Variants in USP24 observed in about 807,000 individuals in gnomAD.
The protein encoded by USP24 is ubiquitin specific peptidase 24.
A neutral mutation model predicts 361.6 loss-of-function variants in USP24; 97 were observed. The ratio of observed to expected loss-of-function variants is 0.27; its 90% confidence interval spans 0.23 to 0.32. The LOEUF is 0.32. Among genes scored for constraint, USP24 ranks in the 10% least tolerant of loss-of-function variants. The pLI is 1.00. For synonymous variants in USP24, 1,098 were observed against 1,124.6 expected (o/e 0.98, Z 0.47); for missense variants, 2,353 against 3,165.6 (o/e 0.74, Z 6.16).
intron 61 of USP24, among the ~76,000 whole-genome samples, chr1:55,077,763 C>T (rs1256086962): frequency 6.6e-6 from 1 of 152,176 alleles, no homozygotes; most frequent in African/African-American, 2.4e-5. Context: ...AGAACACACT[C>T]CTTCAGCCAT....
chr1:55,209,755 T>G (rs765860883), intron 1 of USP24, among the ~76,000 whole-genome samples: 11 of 152,172 alleles, frequency 7.2e-5, no homozygotes, highest in Non-Finnish European at 1.2e-4. Flanking sequence ...CCATCTTATG[T>G]GTTTACTTCT....
Position 55,137,839 on chromosome 1 carries a change from C to T in USP24, c.2994G>A (p.Val998=). Residue 998 remains valine (V), a synonymous_variant, in exon 27 of 68, where the codon GTG becomes GTA. Coordinates refer to ENST00000294383, the MANE Select transcript of USP24 (RefSeq NM_015306.3). ...CATTTGTAAATATCTGTATATTATC[C>T]ACAGGAGAGCACAACTGCTTGGCTA... The part of the protein sequence containing the change: ...WKIAKQLCSP[V]DNIQIFTNDS... 1 of 1,596,102 alleles carries T rather than the reference C, an allele frequency of 6.3e-7. No individual in the cohort carries two copies. Among genetic ancestry groups the T allele is most frequent in the Non-Finnish European group, 8.5e-7 (1 of 1,170,212 alleles).
intron 1 of USP24, among the ~76,000 whole-genome samples, chr1:55,210,290 T>G (rs1037368547): frequency 2.0e-5 from 3 of 152,348 alleles, no homozygotes; most frequent in Admixed American, 2.0e-4. Context: ...TAGGCCATGC[T>G]GATTCATCTT....
At chr1:55,116,681 CAA>C (rs528611494) in intron 38 of USP24, among the ~76,000 whole-genome samples, 19 of 128,878 alleles carry the variant, frequency 1.5e-4, no homozygotes, top group Non-Finnish European at 1.2e-4. Flanking sequence ...ATTGGTAATC[CAA>C]AAAAAAAAAA....
At chr1:55,099,335 T>C (rs1421241812) in intron 45 of USP24, among the ~76,000 whole-genome samples, 2 of 152,100 alleles carry the variant, frequency 1.3e-5, no homozygotes, top group South Asian at 2.1e-4. Context: ...GGTGGGTGAA[T>C]CTCTGGAGGC....
At chr1:55,172,809 T>C (rs1053293308) in intron 3 of USP24, among the ~76,000 whole-genome samples, 5 of 152,212 alleles carry the variant, frequency 3.3e-5, no homozygotes, top group South Asian at 2.1e-4. Context: ...GTAGGTCAAA[T>C]GGTGCCGAGC....
At chr1:55,178,723 AT>A (rs1408818155) in intron 1 of USP24, among the ~76,000 whole-genome samples, 2,190 of 106,228 alleles carry the variant, frequency 0.021, 40 homozygotes, top group Middle Eastern at 0.087. Flanking sequence ...AAATAAATAA[AT>A]AAATAAAAAG....
At chr1:55,205,285 AT>A (rs1408964815) in intron 1 of USP24, among the ~76,000 whole-genome samples, 2 of 152,226 alleles carry the variant, frequency 1.3e-5, no homozygotes, top group African/African-American at 4.8e-5. Context: ...GGAGTCATAT[AT>A]AACAATGTCA....
chr1:55,115,582 A>C (rs1434822388), intron 38 of USP24, among the ~76,000 whole-genome samples: 1 of 150,876 alleles, frequency 6.6e-6, no homozygotes, highest in Admixed American at 6.6e-5. Flanking sequence ...AGTGTAAATT[A>C]GTTCAATCAT....
chr1:55,162,043 TTTA>T (rs1420493974), intron 8 of USP24, among the ~76,000 whole-genome samples, 153 bp downstream of exon 8: 4 of 152,210 alleles, frequency 2.6e-5, no homozygotes, highest in Admixed American at 2.6e-4. Context: ...TTCAACAATT[TTTA>T]TTATCTGATG....
intron 5 of USP24, among the ~76,000 whole-genome samples, chr1:55,170,094 A>G (rs1649297501): frequency 6.6e-6 from 1 of 152,182 alleles, no homozygotes; most frequent in Admixed American, 6.6e-5. Context: ...AGAGGACCAT[A>G]CAGAGGGATA....
intron 5 of USP24, among the ~76,000 whole-genome samples, chr1:55,167,368 T>C (rs1170542287): frequency 1.3e-5 from 2 of 152,094 alleles, no homozygotes; most frequent in African/African-American, 2.4e-5. Context: ...TGATGGGGGA[T>C]GGCAGAAAAG....
chr1:55,159,048 T>TA lies in USP24; in HGVS notation c.1069-13dup. ...ATGCTAACCAATCTCTTTTATTGAA[T>TA]AAAAACAAAAAAACAAAAAAGGAAC... On this transcript the variant is annotated splice_polypyrimidine_tract_variant and intron_variant, in intron 9 of 67. Coordinates refer to ENST00000294383, the MANE Select transcript of USP24 (RefSeq NM_015306.3). 1 of 1,454,696 alleles carries TA rather than the reference T, an allele frequency of 6.9e-7. No homozygotes were observed. Among genetic ancestry groups the TA allele is most frequent in the Admixed American group, 2.7e-5 (1 of 36,862 alleles). The allele number at this position is 1,454,696 out of a possible 1,614,324, so 90.1% of individuals were successfully genotyped here. A position where few individuals can be genotyped will look rare whatever the true frequency, so the allele number is the denominator to read the frequency against.
At chr1:55,074,107 TAA>T (rs34911935) in intron 63 of USP24, among the ~76,000 whole-genome samples, 6,204 of 123,494 alleles carry the variant, frequency 0.05, 323 homozygotes, top group African/African-American at 0.14. Flanking sequence ...TAAGTATGTT[TAA>T]AAAAAAAAAA....
intron 1 of USP24, among the ~76,000 whole-genome samples, chr1:55,201,600 C>CAAAAAAAAA (rs56659823): frequency 1.1e-4 from 4 of 35,460 alleles, no homozygotes; most frequent in Admixed American, 4.7e-4. Context: ...GACTCCATCT[C>CAAAAAAAAA]AAAAAAAAAA....
At chr1:55,105,701 TTAC>T (rs779375160) in intron 41 of USP24, among the ~76,000 whole-genome samples, 2 of 152,178 alleles carry the variant, frequency 1.3e-5, no homozygotes, top group Non-Finnish European at 2.9e-5. Flanking sequence ...GATTCCAAAA[TTAC>T]TACTGTAATA....
intron 16 of USP24, chr1:55,151,918 C>T: frequency 2.0e-6 from 2 of 985,738 alleles, no homozygotes; most frequent in Non-Finnish European, 2.4e-6. Context: ...TTACCCTTTG[C>T]TTAGTTTCTG....
rs1244540821 is a variant in USP24, at chr1:55,177,975, G to T, written c.482C>A (p.Ala161Glu). The change falls in exon 2 of 68, where the codon GCA becomes GAA. Residue 161 changes from alanine to glutamate, a missense_variant. Around this residue, in one of 8 missense-constraint regions of USP24, gnomAD observed 253 missense variants for 255.3 expected, o/e 0.99. Transcript: ENST00000294383. ...AAGGTCTGAAAACTTACCAAGTCTT[G>T]CTAGGTAGGTAGATGCCAACAGGCA... Reference protein sequence around the residue: ...GKCLLASTYLARLGLSESDEN... With the variant: ...GKCLLASTYLERLGLSESDEN... 1 of 1,551,262 alleles carries T rather than the reference G, an allele frequency of 6.4e-7. No individual in the cohort carries two copies. The highest frequency in any genetic ancestry group is 8.7e-7 in the Non-Finnish European group (1 of 1,146,850).
At chr1:55,113,715 G>A (rs1646022014) in intron 38 of USP24, among the ~76,000 whole-genome samples, 1 of 152,096 alleles carries the variant, frequency 6.6e-6, no homozygotes, top group African/African-American at 2.4e-5. Context: ...GGGATGCAAG[G>A]CTGGTTCAAC....
Sources: gnomAD v4.1 joint callset for allele counts (sites outside exome capture counted in the v4.1 genomes callset) on GRCh38, gnomAD v4.1.1 for gene constraint, gnomAD v4.1.1 regional missense constraint, MANE v1.5 for transcripts, NCBI Gene and HGNC (gene_info 2026-07-23, HGNC 2026-07-21) for gene names.